ATG7: variants seen among roughly 807,000 people sequenced by gnomAD.
The protein encoded by ATG7 is ubiquitin-like modifier-activating enzyme ATG7.
Under a neutral mutation model 82.4 loss-of-function variants are expected in ATG7, and 70 were observed. The ratio of observed to expected loss-of-function variants is 0.85; its 90% confidence interval spans 0.70 to 1.04. ATG7 has a LOEUF of 1.04. Among genes scored for constraint, ATG7 ranks in the 50% least tolerant of loss-of-function variants. ATG7 has a pLI of 0.00. For missense variants in ATG7, 792 were observed against 864.3 expected, an observed-to-expected ratio of 0.92 and a Z score of 1.05; for synonymous variants, 287 against 313.0, an observed-to-expected ratio of 0.92 and a Z score of 0.88.
chr3:11,538,133 AG>A (rs1183256879), intron 20 of ATG7, among the ~76,000 whole-genome samples: 2 of 152,166 alleles, frequency 1.3e-5, no homozygotes, highest in Admixed American at 6.5e-5. Context: ...ACCTGACGGA[AG>A]GTTGGTGGCA....
At chr3:11,364,585 G>T in intron 17 of ATG7, 74 bp from the exon 18 acceptor site, 2 of 1,518,588 alleles carry the variant, frequency 1.3e-6, no homozygotes, top group Non-Finnish European at 1.8e-6. Flanking sequence ...ATCTTATGTA[G>T]ATTTCTGCTA....
At chr3:11,356,448 G>A (rs73127234) in intron 14 of ATG7, among the ~76,000 whole-genome samples, 8 of 152,206 alleles carry the variant, frequency 5.3e-5, no homozygotes, top group Non-Finnish European at 8.8e-5. Context: ...ATACAGCCAA[G>A]TAGAAAACCA....
At chr3:11,342,376 T>C in intron 13 of ATG7, 97 bp downstream of exon 13, 1 of 1,386,862 alleles carries the variant, frequency 7.2e-7, no homozygotes. Context: ...CAGCTCCCCA[T>C]CCCCTCCATC....
chr3:11,362,357 A>G (rs1296670745), intron 16 of ATG7, among the ~76,000 whole-genome samples: 1 of 152,208 alleles, frequency 6.6e-6, no homozygotes, highest in Non-Finnish European at 1.5e-5. Context: ...GGCCGCAGGA[A>G]TAGTAAATTG....
chr3:11,299,417 G>T lies in ATG7; in HGVS notation c.215+1G>T, dbSNP rs1302716084. ...CATTGGAGTTCAGTGCTTTTGACAT[G>T]TGAGTATTTATTTGTTCAAAATCTG... On this transcript the variant is annotated splice_donor_variant, in intron 5 of 20. Coordinates refer to ENST00000693202, the MANE Select transcript of ATG7 (RefSeq NM_001349232.2). LOFTEE classifies it high-confidence loss of function. The T allele has an allele frequency of 6.2e-7, 1 of 1,608,224 alleles. No homozygotes were observed.
intron 19 of ATG7, among the ~76,000 whole-genome samples, chr3:11,418,990 C>T (rs1371959303): frequency 1.3e-5 from 2 of 152,098 alleles, no homozygotes; most frequent in Non-Finnish European, 2.9e-5. Flanking sequence ...AGTCACCGCC[C>T]ACCAGGTCCC....
chr3:11,431,792 A>G (rs180937495), intron 20 of ATG7, among the ~76,000 whole-genome samples: 1 of 152,364 alleles, frequency 6.6e-6, no homozygotes, highest in East Asian at 1.9e-4. Context: ...CTCCCTAAAT[A>G]TAGCCCCTTT....
intron 20 of ATG7, among the ~76,000 whole-genome samples, chr3:11,505,190 G>A (rs77992000): frequency 0.043 from 6,581 of 152,222 alleles, 169 homozygotes; most frequent in African/African-American, 0.07. Flanking sequence ...AAGTGAAAAC[G>A]TTTTAAAAAG....
At chr3:11,562,291 C>A (rs1176892902), downstream of ATG7, among the ~76,000 whole-genome samples, 1 of 152,156 alleles carries the variant, frequency 6.6e-6, no homozygotes, top group East Asian at 1.9e-4. Context: ...GCTGCTATCA[C>A]AAACATGAAA....
chr3:11,281,310 A>C (rs185227670), intron 2 of ATG7, among the ~76,000 whole-genome samples: 1 of 152,338 alleles, frequency 6.6e-6, no homozygotes, highest in Admixed American at 6.5e-5. Flanking sequence ...GAGCTAATCT[A>C]ATCAGTATAT....
intron 11 of ATG7, among the ~76,000 whole-genome samples, chr3:11,339,225 G>C (rs1481241662): frequency 6.6e-6 from 1 of 151,110 alleles, no homozygotes; most frequent in East Asian, 1.9e-4. Context: ...GAACCCAGGA[G>C]GTGGAGCTTG....
chr3:11,430,981 G>C (rs1283884877), intron 20 of ATG7, among the ~76,000 whole-genome samples: 1 of 152,228 alleles, frequency 6.6e-6, no homozygotes, highest in African/African-American at 2.4e-5. Context: ...AGGTCTCCGA[G>C]GCCAAGTCTT....
At position 11,415,422 on chromosome 3, in the gene ATG7, C is replaced by T. The variant is rs950629456; in HGVS notation, c.1957-11382C>T. The stretch of plus-strand genomic sequence containing the variant: ...ACCTTTAGCTTACTGTAACCTTTTT[C>T]ACTTTATAAATGTTTTGATTAAAAA... On this transcript the variant is annotated intron_variant, in intron 19 of 20. Coordinates refer to ENST00000693202, the MANE Select transcript of ATG7 (RefSeq NM_001349232.2). Among the ~76,000 whole-genome samples, 9 of 152,230 alleles carry T rather than the reference C, an allele frequency of 5.9e-5. No homozygotes were observed. In the South Asian group the frequency reaches 1.9e-3, roughly 32 times the overall value.
rs1559838732 is a variant in ATG7 at position 11,555,833 on chromosome 3, TC to T, written c.*991del. ...TCGTCTTTCCTGCTATTTTATTCTT[TC>T]AGCTTTTGTCTTAGGCCCAGAATCA... On this transcript the variant is annotated 3_prime_UTR_variant, in exon 21 of 21. Transcript: ENST00000693202. The T allele has an allele frequency of 6.6e-6, 1 of 152,278 alleles. No homozygotes were observed. The highest frequency in any genetic ancestry group is 1.5e-5 in the Non-Finnish European group (1 of 68,068). 9.4% of individuals were successfully genotyped at this position (152,278 alleles called of 1,614,324 possible).
intron 9 of ATG7, among the ~76,000 whole-genome samples, chr3:11,325,977 G>A (rs1314567385): frequency 2.0e-5 from 3 of 152,112 alleles, no homozygotes; most frequent in Non-Finnish European, 2.9e-5. Context: ...TATAGTCTGT[G>A]TTGTTTTGTG....
At chr3:11,272,699 C>G (rs945772560) in intron 1 of ATG7, 71 of 152,274 alleles carry the variant, frequency 4.7e-4, no homozygotes, top group African/African-American at 1.7e-3. Flanking sequence ...TCAGCCCCTC[C>G]TGTCCTCTTG....
chr3:11,494,967 G>A (rs900565898), intron 20 of ATG7, among the ~76,000 whole-genome samples: 7 of 152,180 alleles, frequency 4.6e-5, no homozygotes, highest in Admixed American at 1.3e-4. Flanking sequence ...AGCTACTCGG[G>A]AGGCTGAGGC....
chr3:11,500,730 A>G (rs2091260608), intron 20 of ATG7, among the ~76,000 whole-genome samples: 1 of 152,192 alleles, frequency 6.6e-6, no homozygotes, highest in Non-Finnish European at 1.5e-5. Flanking sequence ...TCCCAGGTTC[A>G]AGCAATTCTC....
chr3:11,323,279 A>T (rs1008842021), intron 9 of ATG7, among the ~76,000 whole-genome samples: 1 of 152,170 alleles, frequency 6.6e-6, no homozygotes, highest in African/African-American at 2.4e-5. Context: ...GCCGAATTGA[A>T]AAGAGACATT....
Sources: allele counts gnomAD v4.1 joint callset (sites outside exome capture counted in the v4.1 genomes callset), GRCh38; gene constraint gnomAD v4.1.1; transcripts MANE v1.5; gene names NCBI Gene and HGNC (gene_info 2026-07-23, HGNC 2026-07-21).